The following MYOM1 variants were observed in gnomAD, a reference collection of about 807,000 sequenced individuals.
MYOM1 encodes the protein myomesin-1.
A neutral mutation model predicts 205.3 loss-of-function variants in MYOM1; 164 were observed. That is an observed-to-expected ratio of 0.80 (90% CI 0.70 to 0.91). The LOEUF is 0.91. Among genes scored for constraint, MYOM1 ranks in the 40% least tolerant of loss-of-function variants. MYOM1 has a pLI of 0.00. For missense variants in MYOM1, 2,011 were observed against 2,127.3 expected, an observed-to-expected ratio of 0.95 and a Z score of 1.08; for synonymous variants, 772 against 789.4, an observed-to-expected ratio of 0.98 and a Z score of 0.37.
Position 3,089,537 on chromosome 18 carries a change from C to G in MYOM1, c.4069G>C (p.Gly1357Arg). The change falls in exon 28 of 38, where the codon GGT becomes CGT. Residue 1357 changes from glycine to arginine, a missense_variant and splice_region_variant. Physicochemically the swap from Gly to Arg is moderately radical, Grantham distance 125. Transcript: ENST00000356443. ...CTCTTTATCCACGGCCTATTTTTAC[C>G]TTGTTTCCTGATCCATTCTTGCCGC... ...FQRQEWIRKQ[G>R]PHFVEYLSWE... The G allele has an allele frequency of 6.2e-7, 1 of 1,604,898 alleles. No homozygotes were observed. The highest frequency in any genetic ancestry group is 8.5e-7 in the Non-Finnish European group (1 of 1,175,816).
At chr18:3,115,907 G>A (rs756144758) in intron 21 of MYOM1, among the ~76,000 whole-genome samples, 9 of 152,284 alleles carry the variant, frequency 5.9e-5, no homozygotes, top group Non-Finnish European at 1.3e-4. Context: ...AGTGACTCGA[G>A]AGGATCAGTA....
chr18:3,080,673 C>CAAA (rs11361871), intron 33 of MYOM1, among the ~76,000 whole-genome samples: 1 of 135,436 alleles, frequency 7.4e-6, no homozygotes, highest in Non-Finnish European at 1.6e-5. Context: ...GGCTCCATCT[C>CAAA]AAAAAAAAAA....
chr18:3,155,621 C>T (rs1298962014), intron 10 of MYOM1, among the ~76,000 whole-genome samples: 3 of 152,172 alleles, frequency 2.0e-5, no homozygotes, highest in Non-Finnish European at 4.4e-5. Context: ...TGAAAAGAAC[C>T]CATGACCTTT....
chr18:3,243,130 T>C, the MYOM1 span, among the ~76,000 whole-genome samples: 395 of 152,296 alleles, frequency 2.6e-3, 1 homozygote, highest in African/African-American at 8.9e-3. Context: ...ATCTTCTATA[T>C]CTTTGTAATA....
At chr18:3,176,777 G>C (rs1192299763) in intron 5 of MYOM1, among the ~76,000 whole-genome samples, 1 of 152,090 alleles carries the variant, frequency 6.6e-6, no homozygotes, top group Non-Finnish European at 1.5e-5. Flanking sequence ...AGCTACTCAG[G>C]AGGCTCAGGC....
chr18:3,189,705 A>G lies in MYOM1; in HGVS notation c.432-618T>C, dbSNP rs1026510919. Among the ~76,000 whole-genome samples the G allele has an allele frequency of 2.6e-5, 4 of 152,232 alleles. No homozygotes were observed. Among genetic ancestry groups the G allele is most frequent in the African/African-American group, 9.6e-5 (4 of 41,456 alleles). On this transcript the variant is annotated intron_variant, in intron 3 of 37. Transcript: ENST00000356443. This position sits in a 1 kb window ranked among gnomAD's most constrained non-coding sequence, Gnocchi z 4.8. ...TTTTAAATATATGGTAACGAAGTTC[A>G]GATAAGTTAGATAACTTGGCCAAGG... is the stretch of plus-strand genomic sequence containing the variant.
chr18:3,176,175 AAAC>A (rs1255546172), intron 5 of MYOM1, 41 bp from the exon 6 acceptor site: 1 of 1,191,988 alleles, frequency 8.4e-7, no homozygotes. Context: ...GTTGAAGTGT[AAAC>A]AACTTCATGA....
At chr18:3,116,898 C>T (rs1409109193) in intron 20 of MYOM1, among the ~76,000 whole-genome samples, 1 of 151,996 alleles carries the variant, frequency 6.6e-6, no homozygotes, top group Non-Finnish European at 1.5e-5. Context: ...GCCCTGTTAC[C>T]CAGGCTGGAG....
intron 33 of MYOM1, among the ~76,000 whole-genome samples, chr18:3,083,227 T>C (rs1038947262): frequency 6.6e-6 from 1 of 152,120 alleles, no homozygotes; most frequent in Admixed American, 6.5e-5. Context: ...CCTCAGCATG[T>C]ACATGTTGAG....
intron 22 of MYOM1, among the ~76,000 whole-genome samples, chr18:3,105,088 AGC>A (rs2079435105): frequency 6.6e-6 from 1 of 152,060 alleles, no homozygotes; most frequent in African/African-American, 2.4e-5. Context: ...AATTCTAACA[AGC>A]CTACTTGGTT....
At chr18:3,124,754 T>C (rs1260142758) in intron 19 of MYOM1, among the ~76,000 whole-genome samples, 2 of 151,832 alleles carry the variant, frequency 1.3e-5, no homozygotes, top group African/African-American at 4.8e-5. Flanking sequence ...AGTGGCAAAA[T>C]AGTATAGCTT....
In MYOM1 at chr18:3,148,663, C is replaced by A. The variant is rs562245181; in HGVS notation, c.1900+482G>T. Among the ~76,000 whole-genome samples, 58 of 151,628 alleles carry A rather than the reference C, an allele frequency of 3.8e-4. 1 individual carries two copies. The highest frequency in any genetic ancestry group is 2.4e-3 in the Admixed American group (36 of 15,222). On this transcript the variant is annotated intron_variant, in intron 13 of 37. Transcript: ENST00000356443. ...GAGATCGAGACCATCCTGGCTAACA[C>A]GGTGAAATCCCGTCTCTACTAAAAA...
the MYOM1 span, among the ~76,000 whole-genome samples, chr18:3,230,567 C>G: frequency 3.3e-5 from 5 of 152,228 alleles, no homozygotes; most frequent in African/African-American, 9.6e-5. Context: ...TCACTTTCTG[C>G]AACCAATCAG....
At chr18:3,069,654 A>C (rs531353367) in intron 37 of MYOM1, among the ~76,000 whole-genome samples, 4 of 147,412 alleles carry the variant, frequency 2.7e-5, no homozygotes, top group Non-Finnish European at 4.4e-5. Context: ...CTTGTAGTTA[A>C]AACTTTTAAC....
chr18:3,137,168 C>G (rs1047045921), intron 14 of MYOM1, among the ~76,000 whole-genome samples: 1 of 152,070 alleles, frequency 6.6e-6, no homozygotes, highest in Non-Finnish European at 1.5e-5. Context: ...CCAGGATGGT[C>G]TCGATCTCCT....
chr18:3,089,424 A>T (rs1211407946), intron 28 of MYOM1, 113 bp downstream of exon 28: 13 of 782,166 alleles, frequency 1.7e-5, no homozygotes, highest in Non-Finnish European at 2.2e-5. Flanking sequence ...TTAATTTACT[A>T]GGCATTATTA....
intron 25 of MYOM1, among the ~76,000 whole-genome samples, chr18:3,097,763 G>A (rs1307094970): frequency 6.6e-6 from 1 of 152,096 alleles, no homozygotes; most frequent in Non-Finnish European, 1.5e-5. Flanking sequence ...GCGACACTGG[G>A]TCTCTAATAA....
intron 13 of MYOM1, among the ~76,000 whole-genome samples, chr18:3,146,166 G>T (rs184196936): frequency 6.6e-6 from 1 of 151,764 alleles, no homozygotes; most frequent in East Asian, 1.9e-4. Context: ...TGGCTCTGCT[G>T]GTAAATTATA....
chr18:3,183,033 G>A (rs1332303013), intron 5 of MYOM1, among the ~76,000 whole-genome samples: 2 of 146,020 alleles, frequency 1.4e-5, no homozygotes, highest in East Asian at 2.1e-4. Context: ...GCGTTCCATC[G>A]ATTCTCCTGC....
Sources: allele counts gnomAD v4.1 joint callset (sites outside exome capture counted in the v4.1 genomes callset), GRCh38; gene constraint gnomAD v4.1.1; non-coding constraint Gnocchi (gnomAD v3.1); transcripts MANE v1.5; gene names NCBI Gene and HGNC (gene_info 2026-07-23, HGNC 2026-07-21).